PPP2R3B: variants seen among roughly 807,000 people sequenced by gnomAD.
The protein encoded by PPP2R3B is serine/threonine-protein phosphatase 2A regulatory subunit B'' subunit beta.
In PPP2R3B, 68 loss-of-function variants were observed where a neutral mutation model predicts 72.9. The ratio of observed to expected loss-of-function variants is 0.93; its 90% CI spans 0.77 to 1.14. The LOEUF is 1.14. Ranked by LOEUF, PPP2R3B falls within the 50% of genes most tolerant of loss-of-function variation. The probability of loss-of-function intolerance (pLI) is 0.00; values close to 1 mark genes in which losing one functional copy is unlikely to be tolerated. For synonymous variants in PPP2R3B, 466 were observed against 375.8 expected, an observed-to-expected ratio of 1.24 and a Z score of -2.78; for missense variants, 1,018 against 842.0, an observed-to-expected ratio of 1.21 and a Z score of -2.59.
At chrX:367,595 T>C (rs753066057) in intron 1 of PPP2R3B, among the ~76,000 whole-genome samples, 1 of 152,156 alleles carries the variant, frequency 6.6e-6, no homozygotes, top group South Asian at 2.1e-4. Context: ...AACAGTGAGC[T>C]AGTAGGAAGC....
At chrX:370,509 C>T (rs1179168670) in intron 1 of PPP2R3B, among the ~76,000 whole-genome samples, 3 of 152,170 alleles carry the variant, frequency 2.0e-5, no homozygotes, top group Non-Finnish European at 2.9e-5. Flanking sequence ...GTGGATGCCG[C>T]GCAACACAGC....
At chrX:341,275 T>C (rs780877120) in intron 9 of PPP2R3B, 32 bp downstream of exon 9, 1 of 1,607,556 alleles carries the variant, frequency 6.2e-7, no homozygotes, top group South Asian at 1.1e-5. Flanking sequence ...GCCCCTCCAC[T>C]GGGACAAACG....
intron 1 of PPP2R3B, among the ~76,000 whole-genome samples, chrX:376,113 C>T (rs1448293966): frequency 6.6e-6 from 1 of 151,848 alleles, no homozygotes; most frequent in Non-Finnish European, 1.5e-5. Flanking sequence ...ATCGCTTGAA[C>T]TCAGAAGGCA....
chrX:347,776 C>G (rs2071254212), intron 2 of PPP2R3B, 83 bp from the exon 3 acceptor site: 2 of 1,017,734 alleles, frequency 2.0e-6, no homozygotes, highest in African/African-American at 1.6e-5. Flanking sequence ...CTGACCGACG[C>G]CGCCCAGAGA....
intron 1 of PPP2R3B, among the ~76,000 whole-genome samples, chrX:367,429 C>CT (rs113231924): frequency 0.02 from 2,923 of 149,114 alleles, 112 homozygotes; most frequent in African/African-American, 0.068. Flanking sequence ...GTCGACGTTC[C>CT]TTTTTTTTTT....
intron 1 of PPP2R3B, chrX:373,845 G>C (rs1480533507): frequency 2.0e-5 from 3 of 152,172 alleles, no homozygotes; most frequent in Non-Finnish European, 2.9e-5. Context: ...GGCGCATGGC[G>C]CCGGGGGTGG....
chrX:362,778 C>G (rs755901498), intron 1 of PPP2R3B, among the ~76,000 whole-genome samples: 3 of 152,246 alleles, frequency 2.0e-5, no homozygotes, highest in Admixed American at 6.5e-5. Context: ...ACAGAGAAAA[C>G]AGCCCGCCCT....
At chrX:347,194 C>T (rs2071238457) in intron 4 of PPP2R3B, 40 bp downstream of exon 4, 2 of 1,490,804 alleles carry the variant, frequency 1.3e-6, no homozygotes, top group Admixed American at 1.7e-5. Context: ...CGGGCCCTCC[C>T]GTGAAGGATA....
intron 7 of PPP2R3B, among the ~76,000 whole-genome samples, chrX:344,456 G>A (rs1295939548): frequency 1.3e-5 from 2 of 152,230 alleles, no homozygotes; most frequent in African/African-American, 2.4e-5. Context: ...CCAAGGTGCC[G>A]CCCCCCGCTT....
chrX:377,129 G>A (rs1372730300), intron 1 of PPP2R3B, among the ~76,000 whole-genome samples: 8 of 16,206 alleles, frequency 4.9e-4, no homozygotes, highest in Admixed American at 2.3e-3. Flanking sequence ...ATGCAGGGAC[G>A]GGCCGTCCAC....
At chrX:383,623 G>A (rs2072172840) in intron 1 of PPP2R3B, among the ~76,000 whole-genome samples, 1 of 151,832 alleles carries the variant, frequency 6.6e-6, no homozygotes, top group South Asian at 2.1e-4. Context: ...GGATCACGAG[G>A]TCAGGAGATC....
intron 1 of PPP2R3B, among the ~76,000 whole-genome samples, chrX:376,170 G>A (rs1023926605): frequency 9.9e-5 from 15 of 150,874 alleles, no homozygotes; most frequent in African/African-American, 3.4e-4. Context: ...CAGCCTGGGG[G>A]ACAAGAGCGA....
intron 1 of PPP2R3B, among the ~76,000 whole-genome samples, chrX:384,344 T>G (rs1228570334): frequency 6.6e-6 from 1 of 150,808 alleles, no homozygotes; most frequent in Non-Finnish European, 1.5e-5. Context: ...TTGCTCAGGC[T>G]GGTGAGCAGT....
rs375720766 is a variant in PPP2R3B at position 364,181 on chromosome X, C to T, written c.325-2591G>A. On this transcript the variant is annotated intron_variant, in intron 1 of 12. Coordinates refer to ENST00000390665, the MANE Select transcript of PPP2R3B (RefSeq NM_013239.5). ...GGGTCCTCCGGGGAAGCTCCCAGAA[C>T]GCGTCACCTTCAGTGGGAAGAATGA... 2.0e-3 allele frequency among the ~76,000 whole-genome samples: 303 copies of T among 152,324 alleles called. 1 individual carries two copies. Among genetic ancestry groups the T allele is most frequent in the African/African-American group, 6.5e-3 (272 of 41,570 alleles).
chrX:353,113 C>A (rs1343861848), intron 2 of PPP2R3B, among the ~76,000 whole-genome samples: 4 of 152,056 alleles, frequency 2.6e-5, no homozygotes, highest in Admixed American at 6.6e-5. Context: ...GTGGCTCAGG[C>A]CTGTCATCCC....
intron 1 of PPP2R3B, among the ~76,000 whole-genome samples, chrX:377,983 G>T (rs187761513): frequency 1.7e-3 from 240 of 143,924 alleles, no homozygotes; most frequent in African/African-American, 6.3e-3. Context: ...CAGTGGGGCC[G>T]CCATGGGGCT....
intron 1 of PPP2R3B, among the ~76,000 whole-genome samples, chrX:379,119 CTGTGTGTATGCACCTATG>C (rs1204806656): frequency 8.5e-5 from 12 of 141,078 alleles, no homozygotes; most frequent in East Asian, 6.7e-4. Context: ...GTGTGTGCAC[CTGTGTGTATGCACCTATG>C]TGTGTGTATG....
intron 1 of PPP2R3B, among the ~76,000 whole-genome samples, chrX:370,987 G>A (rs763544346): frequency 6.6e-6 from 1 of 152,294 alleles, no homozygotes; most frequent in East Asian, 1.9e-4. Flanking sequence ...GTGAAGAGGG[G>A]CGTCTGTGTG....
At chrX:346,100 A>AGGGAGGAGTGAGG in intron 6 of PPP2R3B, 74 bp downstream of exon 6, 1 of 655,842 alleles carries the variant, frequency 1.5e-6, no homozygotes, top group Non-Finnish European at 2.4e-6. Context: ...AGGGGGGAGG[A>AGGGAGGAGTGAGG]GGGAAGGGAA....
Sources: gnomAD v4.1 joint callset for allele counts (sites outside exome capture counted in the v4.1 genomes callset) on GRCh38, gnomAD v4.1.1 for gene constraint, MANE v1.5 for transcripts, NCBI Gene and HGNC (gene_info 2026-07-23, HGNC 2026-07-21) for gene names.